The following RMI1 variants were observed in gnomAD, a reference collection of about 807,000 sequenced individuals.
RMI1 encodes RecQ mediated genome instability 1.
RMI1 carries 36 observed loss-of-function variants against 46.7 expected under a neutral mutation model. The observed-to-expected ratio is 0.77, with a 90% CI of 0.59 to 1.02. The LOEUF (loss-of-function observed/expected upper bound fraction) is 1.02, where lower values mean the gene tolerates loss of function less well. RMI1 is among the 50% of genes least tolerant of loss of function. RMI1 has a pLI of 0.00. For synonymous variants in RMI1, 250 were observed against 252.9 expected (o/e 0.99, Z 0.11); for missense variants, 676 against 713.7 (o/e 0.95, Z 0.60).
rs75949307 is a variant in RMI1, at chr9:83,992,078, A to G, written c.-125-7631A>G. ...TCTATAGATGAATTTGGGGAGAACT[A>G]AAACCTTAACCAGGTAAACTCTTCT... On this transcript the variant is annotated intron_variant, in intron 1 of 2. Coordinates refer to ENST00000445877, the MANE Select transcript of RMI1 (RefSeq NM_001358291.2). Among the ~76,000 whole-genome samples the G allele has an allele frequency of 8.0e-3, 1,214 of 152,340 alleles. 31 individuals are homozygous for G. Among genetic ancestry groups the G allele is most frequent in the East Asian group, 0.034 (175 of 5,192 alleles).
rs917445689 is a variant in RMI1, at chr9:84,003,035, A to G, written c.*171A>G. ...GTTTGTTATATGTGGAGCTTTTGAAAATAAGTTAATCTTTTTTTTTTTTTT... is the reference window on the plus strand; with the variant it reads ...GTTTGTTATATGTGGAGCTTTTGAAGATAAGTTAATCTTTTTTTTTTTTTT... On this transcript the variant is annotated 3_prime_UTR_variant, in exon 3 of 3. Coordinates refer to ENST00000445877, the MANE Select transcript of RMI1 (RefSeq NM_001358291.2). 18 of 485,054 alleles carry G rather than the reference A, an allele frequency of 3.7e-5. No individual in the cohort carries two copies. The South Asian group carries it at 7.0e-4, about 19-fold the overall frequency. 30.0% of individuals were successfully genotyped at this position (485,054 alleles called of 1,614,324 possible).
At chr9:83,994,398 C>T (rs2133118413) in intron 1 of RMI1, among the ~76,000 whole-genome samples, 1 of 152,226 alleles carries the variant, frequency 6.6e-6, no homozygotes, top group African/African-American at 2.4e-5. Context: ...AGCTTTTTCC[C>T]TATGTTTACT....
At chr9:83,984,654 T>C (rs1184153243) in intron 1 of RMI1, among the ~76,000 whole-genome samples, 1 of 152,036 alleles carries the variant, frequency 6.6e-6, no homozygotes, top group African/African-American at 2.4e-5. Context: ...CTCTGCCTCC[T>C]TGGTTCAAAC....
intron 1 of RMI1, among the ~76,000 whole-genome samples, chr9:83,998,512 A>T (rs971347020): frequency 7.2e-5 from 11 of 152,326 alleles, no homozygotes; most frequent in Middle Eastern, 6.8e-3. Flanking sequence ...ACAAAAGAGG[A>T]GAAATTGTTT....
intron 1 of RMI1, among the ~76,000 whole-genome samples, chr9:83,984,751 A>AT (rs1461786611): frequency 7.1e-6 from 1 of 140,648 alleles, no homozygotes; most frequent in East Asian, 2.2e-4. Flanking sequence ...TTTAGTAGAG[A>AT]CGGGCTTCTC....
At chr9:83,991,809 A>G (rs1435507344) in intron 1 of RMI1, among the ~76,000 whole-genome samples, 2 of 152,118 alleles carry the variant, frequency 1.3e-5, no homozygotes, top group East Asian at 1.9e-4. Context: ...ATGTGTGTCT[A>G]TTTGTAGACT....
intron 1 of RMI1, among the ~76,000 whole-genome samples, chr9:83,988,461 G>A (rs1342509525): frequency 1.3e-5 from 2 of 152,088 alleles, no homozygotes; most frequent in African/African-American, 4.8e-5. Context: ...GCACCACAAT[G>A]TCTGGCTAAT....
intron 1 of RMI1, among the ~76,000 whole-genome samples, chr9:83,987,413 T>G (rs1479784068): frequency 6.6e-6 from 1 of 152,222 alleles, no homozygotes; most frequent in Non-Finnish European, 1.5e-5. Context: ...TCTTTTAGAT[T>G]GTTTTCTTTA....
chr9:83,995,616 C>T (rs142495811), intron 1 of RMI1, among the ~76,000 whole-genome samples: 1,600 of 151,934 alleles, frequency 0.011, 25 homozygotes, highest in African/African-American at 0.036. Flanking sequence ...TTGGTAGAGA[C>T]GGGGTTTCAC....
chr9:83,980,778 A>C (rs1257977810), upstream of RMI1: 1 of 152,312 alleles, frequency 6.6e-6, no homozygotes, highest in East Asian at 1.9e-4. Context: ...AGCGCGCGGC[A>C]AATCGGGCGG....
At position 84,002,549 on chromosome 9, in the gene RMI1, C is replaced by G; in HGVS notation, c.1563C>G (p.Leu521=). 1.2e-6 allele frequency: 2 copies of G among 1,613,942 alleles called. No homozygotes were observed. The highest frequency in any genetic ancestry group is 1.7e-6 in the Non-Finnish European group (2 of 1,179,904). ...KAFIVTLTGN[L]SSSGGIWSIT... is the part of the protein sequence containing the mutation. ...TTATTGTAACCTTAACTGGAAATCT[C>G]TCAAGTTCTGGTGGTATTTGGAGTA... Residue 521 remains leucine (L), a synonymous_variant, in exon 3 of 3, where the codon CTC becomes CTG. Transcript: ENST00000445877.
intron 1 of RMI1, among the ~76,000 whole-genome samples, chr9:83,988,780 T>C (rs1193883301): frequency 6.6e-6 from 1 of 152,242 alleles, no homozygotes; most frequent in African/African-American, 2.4e-5. Context: ...TCTAATAATA[T>C]TGAACTGTTT....
Position 83,993,998 on chromosome 9 carries a change from G to T in RMI1, c.-125-5711G>T, listed in dbSNP as rs184698713. ...GGGGTTTCGCCATGTTGTTCAGGCT[G>T]GTCTTGAACTCTTGGGCTCAAGTGA... On this transcript the variant is annotated intron_variant, in intron 1 of 2. Coordinates refer to ENST00000445877, the MANE Select transcript of RMI1 (RefSeq NM_001358291.2). Among the ~76,000 whole-genome samples the T allele has an allele frequency of 1.0e-4, 15 of 149,248 alleles. No homozygotes were observed. In the East Asian group the frequency reaches 2.8e-3, roughly 28 times the overall value.
chr9:84,001,801 G>T lies in RMI1; in HGVS notation c.815G>T (p.Gly272Val). The T allele has an allele frequency of 6.2e-7, 1 of 1,613,996 alleles. No homozygotes were observed. Among genetic ancestry groups the T allele is most frequent in the Non-Finnish European group, 8.5e-7 (1 of 1,179,928 alleles). Residue 272 changes from glycine (G) to valine (V), a missense_variant, in exon 3 of 3, where the codon GGT (glycine) becomes GTT (valine). By Grantham distance (109) the Gly-to-Val change is moderately radical. Coordinates refer to ENST00000445877, the MANE Select transcript of RMI1 (RefSeq NM_001358291.2). ...DTSSERCFTT[G>V]SSSNTIPTRQ... is the part of the protein sequence containing the mutation. ...TCCTCAGAACGATGTTTCACCACAGGTAGTTCCTCAAATACCATTCCCACA... is the reference window on the plus strand; with the variant it reads ...TCCTCAGAACGATGTTTCACCACAGTTAGTTCCTCAAATACCATTCCCACA...
intron 1 of RMI1, among the ~76,000 whole-genome samples, chr9:83,990,582 AATTT>A (rs201891098): frequency 1.6e-3 from 236 of 152,206 alleles, no homozygotes; most frequent in African/African-American, 5.3e-3. Flanking sequence ...AGTTAACAAT[AATTT>A]ATTATTTCAA....
intron 1 of RMI1, among the ~76,000 whole-genome samples, chr9:83,991,304 T>C (rs1328824344): frequency 2.0e-5 from 3 of 149,650 alleles, no homozygotes; most frequent in African/African-American, 4.8e-5. Context: ...GATGTCATTT[T>C]TCTTTTTTTT....
chr9:83,984,530 C>T (rs1957462945), intron 1 of RMI1, among the ~76,000 whole-genome samples: 1 of 151,330 alleles, frequency 6.6e-6, no homozygotes, highest in Non-Finnish European at 1.5e-5. Flanking sequence ...CCTTGGCCTA[C>T]CAAAGTGCTG....
At chr9:83,998,169 T>G (rs564439599) in intron 1 of RMI1, among the ~76,000 whole-genome samples, 15 of 152,332 alleles carry the variant, frequency 9.8e-5, no homozygotes, top group Non-Finnish European at 1.5e-4. Flanking sequence ...TAAAGAGACC[T>G]GCTCATTTGA....
At chr9:83,982,298 G>T (rs1957423308) in intron 1 of RMI1, among the ~76,000 whole-genome samples, 1 of 152,104 alleles carries the variant, frequency 6.6e-6, no homozygotes, top group Admixed American at 6.5e-5. Flanking sequence ...TTCAAATTAG[G>T]ATTTATGTTG....
Sources: gnomAD v4.1 joint callset for allele counts (sites outside exome capture counted in the v4.1 genomes callset) on GRCh38, gnomAD v4.1.1 for gene constraint, MANE v1.5 for transcripts, NCBI Gene and HGNC (gene_info 2026-07-23, HGNC 2026-07-21) for gene names.